Variants in UPF2 observed in about 807,000 individuals in gnomAD.
UPF2 encodes the protein UPF2 regulator of nonsense mediated mRNA decay, also known as regulator of nonsense transcripts 2.
A neutral mutation model predicts 141.4 loss-of-function variants in UPF2; 17 were observed. The observed-to-expected ratio is 0.12, with a 90% CI of 0.08 to 0.18. UPF2 has a LOEUF of 0.18. Among genes scored for constraint, UPF2 ranks in the 10% least tolerant of loss-of-function variants. UPF2 has a pLI of 1.00. For synonymous variants in UPF2, 540 were observed against 498.0 expected, an observed-to-expected ratio of 1.08 and a Z score of -1.12; for missense variants, 1,152 against 1,515.9, an observed-to-expected ratio of 0.76 and a Z score of 3.99.
At chr10:11,997,650 A>G in intron 8 of UPF2, 22 bp downstream of exon 8, 1 of 1,608,096 alleles carries the variant, frequency 6.2e-7, no homozygotes, top group South Asian at 1.1e-5. Flanking sequence ...ACACTAATAA[A>G]TTTCTCTTTC....
intron 7 of UPF2, 151 bp from the exon 8 acceptor site, chr10:11,997,908 T>C (rs1833889533): frequency 2.8e-6 from 2 of 723,682 alleles, no homozygotes; most frequent in Admixed American, 2.8e-5. Context: ...AGTTTTCTGA[T>C]AGAGCTCAAA....
At chr10:11,963,718 C>T (rs1055812567) in intron 11 of UPF2, among the ~76,000 whole-genome samples, 1 of 152,148 alleles carries the variant, frequency 6.6e-6, no homozygotes, top group Non-Finnish European at 1.5e-5. Flanking sequence ...ATAAACATGG[C>T]TCTAACAAAA....
rs559766967 is a variant in UPF2 at position 11,986,545 on chromosome 10, T to C, written c.1845-7380A>G. ...CTCTTTAAAATCTGAAGAATTTGAC[T>C]GTTGAAAGCTATTTAATTTTATCTC... is the stretch of plus-strand genomic sequence containing the variant. On this transcript the variant is annotated intron_variant, in intron 8 of 21. Coordinates refer to ENST00000357604, the MANE Select transcript of UPF2 (RefSeq NM_015542.4). Among the ~76,000 whole-genome samples the C allele has an allele frequency of 1.2e-4, 18 of 152,334 alleles. No individual in the cohort carries two copies. The South Asian group carries it at 3.1e-3, about 26-fold the overall frequency.
intron 1 of UPF2, among the ~76,000 whole-genome samples, chr10:12,040,569 A>G (rs987881250): frequency 2.6e-5 from 4 of 152,222 alleles, no homozygotes; most frequent in African/African-American, 9.6e-5. Flanking sequence ...GCATACGCCC[A>G]AAGTATACTT....
At chr10:12,003,613 G>A (rs1833987328) in intron 5 of UPF2, among the ~76,000 whole-genome samples, 1 of 152,146 alleles carries the variant, frequency 6.6e-6, no homozygotes, top group African/African-American at 2.4e-5. Context: ...CAGGTAGGCA[G>A]GAGAGTAAAA....
At chr10:12,031,278 T>C (rs1834521072) in intron 2 of UPF2, among the ~76,000 whole-genome samples, 1 of 151,972 alleles carries the variant, frequency 6.6e-6, no homozygotes, top group Admixed American at 6.6e-5. Flanking sequence ...ATGTTTGGGC[T>C]CTTAAAAATT....
rs996703268 is a variant in UPF2, at chr10:11,970,742, G to A, written c.1954-3288C>T. Among the ~76,000 whole-genome samples the A allele has an allele frequency of 1.4e-4, 21 of 152,250 alleles. No individual in the cohort carries two copies. In the South Asian group the frequency reaches 2.1e-3, roughly 15 times the overall value. Reference sequence around the variant, plus strand: ...CACAAGAATTGCTTCAACCTGGGACGGGGAGGTTGCAGCAAGCTGAGATCA... The same window carrying A: ...CACAAGAATTGCTTCAACCTGGGACAGGGAGGTTGCAGCAAGCTGAGATCA... On this transcript the variant is annotated intron_variant, in intron 9 of 21. Transcript: ENST00000357604.
chr10:11,953,417 A>C lies in UPF2; in HGVS notation c.2851-1168T>G, dbSNP rs73571348. Among the ~76,000 whole-genome samples the C allele has an allele frequency of 2.2e-3, 332 of 152,212 alleles. No homozygotes were observed. The highest frequency in any genetic ancestry group is 7.6e-3 in the African/African-American group (317 of 41,544). On this transcript the variant is annotated intron_variant, in intron 14 of 21. Transcript: ENST00000357604. The surrounding 1 kb of genome is among the most constrained non-coding windows in gnomAD (Gnocchi z 5.0). The stretch of plus-strand genomic sequence containing the variant: ...TTTCTTCCTGACCTTCTAATACTAA[A>C]CTGTACACTCCATGTTCTGGGTGAA...
At chr10:12,035,475 G>A in intron 1 of UPF2, 34 bp from the exon 2 acceptor site, 1 of 1,466,090 alleles carries the variant, frequency 6.8e-7, no homozygotes, top group South Asian at 1.5e-5. Context: ...TACCATAGAT[G>A]CAGTGACTTT....
At chr10:12,021,106 T>C (rs916880314) in intron 3 of UPF2, among the ~76,000 whole-genome samples, 1 of 152,212 alleles carries the variant, frequency 6.6e-6, no homozygotes, top group Admixed American at 6.5e-5. Flanking sequence ...AAGTACAGTA[T>C]GAAGAAGAAG....
intron 7 of UPF2, 78 bp from the exon 8 acceptor site, chr10:11,997,835 T>C: frequency 7.5e-7 from 1 of 1,339,748 alleles, no homozygotes; most frequent in South Asian, 1.2e-5. Context: ...TACTATGATA[T>C]TTTTATTTGT....
chr10:11,922,056 G>T (rs1832652156), intron 21 of UPF2, among the ~76,000 whole-genome samples: 1 of 152,144 alleles, frequency 6.6e-6, no homozygotes, highest in South Asian at 2.1e-4. Context: ...AGGGGGAAAA[G>T]GCCACGTGAA....
intron 21 of UPF2, among the ~76,000 whole-genome samples, chr10:11,925,793 C>T (rs4466734): frequency 0.058 from 8,888 of 152,258 alleles, 329 homozygotes; most frequent in Non-Finnish European, 0.085. Context: ...GTCAGCTAGG[C>T]TGCAGCAGGA....
intron 16 of UPF2, among the ~76,000 whole-genome samples, chr10:11,943,953 C>T (rs1417340364): frequency 6.7e-6 from 1 of 149,844 alleles, no homozygotes; most frequent in African/African-American, 2.5e-5. Context: ...CCCTCCACCC[C>T]AGTATCCCAA....
At chr10:11,977,782 T>A (rs1833530464) in intron 9 of UPF2, among the ~76,000 whole-genome samples, 1 of 152,196 alleles carries the variant, frequency 6.6e-6, no homozygotes. Context: ...TCCAGGAGAT[T>A]CACAGAGCAC....
intron 2 of UPF2, among the ~76,000 whole-genome samples, chr10:12,031,191 C>A (rs1290196): frequency 0.8 from 110,002 of 137,538 alleles, 43,416 homozygotes; most frequent in East Asian, 0.86. Flanking sequence ...AAAAAAAAAA[C>A]AAAACAGTTT....
chr10:12,010,235 C>T (rs747763233), intron 4 of UPF2, among the ~76,000 whole-genome samples: 3 of 151,986 alleles, frequency 2.0e-5, no homozygotes, highest in African/African-American at 7.3e-5. Context: ...AAAACATAAG[C>T]GGGCAGCCAA....
intron 8 of UPF2, among the ~76,000 whole-genome samples, chr10:11,984,649 C>A (rs1833656432): frequency 6.6e-6 from 1 of 151,230 alleles, no homozygotes; most frequent in South Asian, 2.1e-4. Flanking sequence ...CACTTCACTT[C>A]ATTTTCTTCT....
chr10:11,972,414 G>T (rs1833434653), intron 9 of UPF2, among the ~76,000 whole-genome samples: 2 of 152,004 alleles, frequency 1.3e-5, no homozygotes, highest in Non-Finnish European at 2.9e-5. Flanking sequence ...TTAAGTTCTA[G>T]GGTGCATGTG....
Sources: allele counts gnomAD v4.1 joint callset (sites outside exome capture counted in the v4.1 genomes callset), GRCh38; gene constraint gnomAD v4.1.1; non-coding constraint Gnocchi (gnomAD v3.1); transcripts MANE v1.5; gene names NCBI Gene and HGNC (gene_info 2026-07-23, HGNC 2026-07-21).